MMADHC: variants seen among roughly 807,000 people sequenced by gnomAD.
MMADHC encodes the protein metabolism of cobalamin associated D.
In MMADHC, 23 loss-of-function variants were observed where a neutral mutation model predicts 36.3. The ratio of observed to expected loss-of-function variants is 0.63; its 90% CI spans 0.46 to 0.90. MMADHC has a LOEUF of 0.90. Among genes scored for constraint, MMADHC ranks in the 40% least tolerant of loss-of-function variants. The pLI is 0.00. For synonymous variants in MMADHC, 97 were observed against 116.1 expected (o/e 0.84, Z 1.06); for missense variants, 330 against 348.0 (o/e 0.95, Z 0.41).
intron 6 of MMADHC, among the ~76,000 whole-genome samples, chr2:149,573,394 G>C (rs930478062): frequency 2.0e-5 from 3 of 152,156 alleles, no homozygotes; most frequent in Non-Finnish European, 2.9e-5. Context: ...TCTGCTTCTT[G>C]TTTCCTATTT....
At position 149,569,843 on chromosome 2, in the gene MMADHC, T is replaced by C; in HGVS notation, c.*131A>G. 2 of 824,036 alleles carry C rather than the reference T, an allele frequency of 2.4e-6. No individual in the cohort carries two copies. The highest frequency in any genetic ancestry group is 3.8e-6 in the Non-Finnish European group (2 of 525,328). 51.0% of individuals were successfully genotyped at this position (824,036 alleles called of 1,614,324 possible). A position where few individuals can be genotyped will look rare whatever the true frequency, so the allele number is the denominator to read the frequency against. ...TTTAAAATCCCAAATCACTTGCCAA[T>C]GTTGTAAATTCATAAATGCTGAAAT... On this transcript the variant is annotated 3_prime_UTR_variant, in exon 8 of 8. Transcript: ENST00000303319.
intron 4 of MMADHC, 24 bp from the exon 5 acceptor site, chr2:149,576,566 C>G: frequency 6.8e-7 from 1 of 1,480,054 alleles, no homozygotes. Context: ...GGATATAAGT[C>G]AACAAAATCT....
At chr2:149,572,326 C>T in intron 6 of MMADHC, 1 of 19,760 alleles carries the variant, frequency 5.1e-5, no homozygotes, top group South Asian at 3.8e-4. Context: ...GCGAGAGAGA[C>T]TCCGTCTCCA....
intron 5 of MMADHC, among the ~76,000 whole-genome samples, chr2:149,576,063 C>A (rs1682712288): frequency 6.6e-6 from 1 of 152,054 alleles, no homozygotes; most frequent in Admixed American, 6.5e-5. Context: ...TTACTACCAA[C>A]AATCCTGAAG....
chr2:149,572,107 ATATTT>A (rs1256226730), intron 6 of MMADHC: 6 of 309,948 alleles, frequency 1.9e-5, no homozygotes, highest in African/African-American at 9.2e-5. Flanking sequence ...AATTTATAAG[ATATTT>A]TATTAGCTTT....
intron 4 of MMADHC, among the ~76,000 whole-genome samples, chr2:149,578,930 AC>A (rs1292568802): frequency 6.6e-6 from 1 of 150,900 alleles, no homozygotes; most frequent in Admixed American, 6.6e-5. Flanking sequence ...AAAAAAAAAA[AC>A]CCAAACAAAC....
chr2:149,575,391 G>A (rs1682699201), intron 6 of MMADHC, among the ~76,000 whole-genome samples: 1 of 121,802 alleles, frequency 8.2e-6, no homozygotes, highest in South Asian at 2.9e-4. Flanking sequence ...GAGATGAAGG[G>A]GGAGATGGAG....
intron 2 of MMADHC, among the ~76,000 whole-genome samples, chr2:149,585,499 A>G (rs2105052204): frequency 6.6e-6 from 1 of 152,382 alleles, no homozygotes; most frequent in East Asian, 1.9e-4. Context: ...AAATACAAAC[A>G]TTGAGAAATC....
At chr2:149,580,103 T>A (rs1455861494) in intron 3 of MMADHC, among the ~76,000 whole-genome samples, 5 of 152,192 alleles carry the variant, frequency 3.3e-5, no homozygotes, top group South Asian at 2.1e-4. Context: ...ACTGAAGCCT[T>A]GACCTCTGAG....
intron 2 of MMADHC, among the ~76,000 whole-genome samples, chr2:149,584,813 C>T (rs995370576): frequency 3.3e-5 from 5 of 151,874 alleles, no homozygotes; most frequent in Non-Finnish European, 7.4e-5. Flanking sequence ...CTTAGGGAGG[C>T]GAAGGTGGGT....
At position 149,587,099 on chromosome 2, in the gene MMADHC, T is replaced by A; in HGVS notation, c.-2A>T. 6.2e-7 allele frequency: 1 copy of A among 1,613,924 alleles called. No homozygotes were observed. Among genetic ancestry groups the A allele is most frequent in the East Asian group, 2.2e-5 (1 of 44,888 alleles). ...AGATAATTTACTCACATTGGCCATC[T>A]CCGCTGGAGAAGATAGTTCGCAAAA... On this transcript the variant is annotated 5_prime_UTR_variant, in exon 2 of 8. Transcript: ENST00000303319.
chr2:149,570,327 T>C (rs1682621045), intron 7 of MMADHC, among the ~76,000 whole-genome samples, 159 bp from the exon 8 acceptor site: 1 of 152,202 alleles, frequency 6.6e-6, no homozygotes, highest in Non-Finnish European at 1.5e-5. Context: ...TTAATATCCC[T>C]TTCCTCCAAT....
At chr2:149,583,320 A>G (rs1682820233) in intron 2 of MMADHC, among the ~76,000 whole-genome samples, 2 of 152,210 alleles carry the variant, frequency 1.3e-5, no homozygotes, top group African/African-American at 4.8e-5. Context: ...GAAAAGGTGC[A>G]TTTCAATGAG....
At chr2:149,573,951 G>C (rs1682680165) in intron 6 of MMADHC, among the ~76,000 whole-genome samples, 1 of 151,890 alleles carries the variant, frequency 6.6e-6, no homozygotes, top group Admixed American at 6.6e-5. Flanking sequence ...AATTAGAACA[G>C]ATTTAAACCA....
chr2:149,579,420 C>A lies in MMADHC; in HGVS notation c.372+11G>T. On this transcript the variant is annotated intron_variant, in intron 4 of 7. Transcript: ENST00000303319. ...ATCAGGAAAGCACAATAAATGTTAC[C>A]AACAATTTACCTGAAATTCATTCAC... 1 of 1,601,514 alleles carries A rather than the reference C, an allele frequency of 6.2e-7. No homozygotes were observed.
rs1682680327 is a variant in MMADHC, at chr2:149,573,962, T to C, written c.609+1749A>G. ...AAAAAATTAGAACAGATTTAAACCA[T>C]AAAATATCAAATATTTACTTGGAGA... On this transcript the variant is annotated intron_variant, in intron 6 of 7. Coordinates refer to ENST00000303319, the MANE Select transcript of MMADHC (RefSeq NM_015702.3). Among the ~76,000 whole-genome samples the C allele has an allele frequency of 1.3e-5, 2 of 151,940 alleles. 1 individual carries two copies. The highest frequency in any genetic ancestry group is 4.1e-4 in the South Asian group (2 of 4,824).
chr2:149,576,410 T>C (rs185924056), intron 5 of MMADHC, 27 bp downstream of exon 5: 2 of 1,433,972 alleles, frequency 1.4e-6, no homozygotes, highest in Non-Finnish European at 2.0e-6. Context: ...TTAGTAACAG[T>C]GTTTCAAAGT....
chr2:149,582,340 G>C (rs1302349669), intron 2 of MMADHC, 69 bp from the exon 3 acceptor site: 6 of 1,530,912 alleles, frequency 3.9e-6, no homozygotes, highest in Non-Finnish European at 5.4e-6. Flanking sequence ...GACAATCTCT[G>C]GCAAATCTTC....
At chr2:149,585,633 T>C (rs1053597272) in intron 2 of MMADHC, among the ~76,000 whole-genome samples, 2 of 152,210 alleles carry the variant, frequency 1.3e-5, no homozygotes, top group Admixed American at 6.5e-5. Context: ...TAAGGAAAGG[T>C]TGCTCCCCTT....
Sources: allele counts gnomAD v4.1 joint callset (sites outside exome capture counted in the v4.1 genomes callset), GRCh38; gene constraint gnomAD v4.1.1; transcripts MANE v1.5; gene names NCBI Gene and HGNC (gene_info 2026-07-23, HGNC 2026-07-21).